Variants in CGNL1 observed in about 807,000 individuals in gnomAD.
CGNL1 encodes the protein cingulin like 1.
CGNL1 carries 132 observed loss-of-function variants against 141.2 expected under a neutral mutation model. That is an observed-to-expected ratio of 0.93 (90% CI 0.81 to 1.08). CGNL1 has a LOEUF of 1.08. Among genes scored for constraint, CGNL1 ranks in the 50% least tolerant of loss-of-function variants. CGNL1 has a pLI of 0.00. For synonymous variants in CGNL1, 690 were observed against 622.1 expected, an observed-to-expected ratio of 1.11 and a Z score of -1.63; for missense variants, 1,870 against 1,588.6, an observed-to-expected ratio of 1.18 and a Z score of -3.01.
At position 57,547,797 on chromosome 15, in the gene CGNL1, C is replaced by T. The variant is rs1249912809; in HGVS notation, c.*307C>T. ...ACAGCCACTATTTGCATTGCTGTCC[C>T]TGCCCCCTCATCACTCCCCCTGCCA... On this transcript the variant is annotated 3_prime_UTR_variant, in exon 19 of 19. Transcript: ENST00000281282. 2 of 315,422 alleles carry T rather than the reference C, an allele frequency of 6.3e-6. No homozygotes were observed. The highest frequency in any genetic ancestry group is 1.2e-5 in the Non-Finnish European group (2 of 171,878). The allele number at this position is 315,422 out of a possible 1,614,324, so 19.5% of individuals were successfully genotyped here.
At chr15:57,522,828 C>T (rs2031356009) in intron 10 of CGNL1, among the ~76,000 whole-genome samples, 1 of 152,182 alleles carries the variant, frequency 6.6e-6, no homozygotes, top group South Asian at 2.1e-4. Context: ...ATTCAATCAA[C>T]AACCACCTAC....
chr15:57,526,510 G>A (rs957598754), intron 12 of CGNL1, among the ~76,000 whole-genome samples: 2 of 151,996 alleles, frequency 1.3e-5, no homozygotes, highest in African/African-American at 4.8e-5. Flanking sequence ...ACAGGAGTCC[G>A]TTCTAAGTGC....
chr15:57,544,721 A>G, intron 16 of CGNL1, 124 bp downstream of exon 16: 1 of 1,132,478 alleles, frequency 8.8e-7, no homozygotes, highest in South Asian at 1.6e-5. Flanking sequence ...CAGAGCAACT[A>G]CACCCTTACT....
rs774169633 is a variant in CGNL1 at position 57,438,434 on chromosome 15, T to C, written c.435T>C (p.Phe145=). 6.2e-7 allele frequency: 1 copy of C among 1,614,068 alleles called. No homozygotes were observed. Among genetic ancestry groups the C allele is most frequent in the African/African-American group, 1.3e-5 (1 of 74,934 alleles). ...TGAAGCCATCTCACCTGCTGAACTT[T>C]CAGAGGCATCCAGAGCTTTTGCAAC... is the stretch of plus-strand genomic sequence containing the variant. ...GSVKPSHLLN[F]QRHPELLQPY... The change falls in exon 2 of 19, where the codon TTT becomes TTC. Residue 145 remains phenylalanine (F), a synonymous_variant. Transcript: ENST00000281282.
Position 57,544,459 on chromosome 15 carries a change from C to T in CGNL1, c.3376-14C>T. ...AGACACATAGCCCCTCACAGTCTCC[C>T]TGTGTTGTTCCAGAACAAGGACTTA... On this transcript the variant is annotated splice_polypyrimidine_tract_variant and intron_variant, in intron 15 of 18. Transcript: ENST00000281282. 1 of 1,613,992 alleles carries T rather than the reference C, an allele frequency of 6.2e-7. No homozygotes were observed. Among genetic ancestry groups the T allele is most frequent in the Non-Finnish European group, 8.5e-7 (1 of 1,179,928 alleles).
At position 57,438,535 on chromosome 15, in the gene CGNL1, CAGA is replaced by C; in HGVS notation, c.542_544del (p.Glu181del). On this transcript the variant is annotated inframe_deletion, in exon 2 of 19. Coordinates refer to ENST00000281282, the MANE Select transcript of CGNL1 (RefSeq NM_032866.5). ...GAGAGTAATTGGCTAAAAACGTTGACAGAAGAAGGCATCAACAATAAGAAGCCT... is the reference window on the plus strand; with the variant it reads ...GAGAGTAATTGGCTAAAAACGTTGACAGAAGGCATCAACAATAAGAAGCCT... The C allele has an allele frequency of 6.2e-7, 1 of 1,613,946 alleles. No homozygotes were observed. The highest frequency in any genetic ancestry group is 8.5e-7 in the Non-Finnish European group (1 of 1,180,040).
chr15:57,438,533 G>T lies in CGNL1; in HGVS notation c.534G>T (p.Leu178Phe). ...QPSESNWLKTLTEEGINNKKP... is the reference protein window; with the variant it reads ...QPSESNWLKTFTEEGINNKKP... ...CTGAGAGTAATTGGCTAAAAACGTT[G>T]ACAGAAGAAGGCATCAACAATAAGA... Residue 178 changes from leucine (L) to phenylalanine (F), a missense_variant, in exon 2 of 19, where the codon TTG becomes TTT. Transcript: ENST00000281282. 1 of 1,613,950 alleles carries T rather than the reference G, an allele frequency of 6.2e-7. No homozygotes were observed. Among genetic ancestry groups the T allele is most frequent in the Non-Finnish European group, 8.5e-7 (1 of 1,180,022 alleles).
chr15:57,464,235 G>A (rs2063481671), intron 8 of CGNL1, among the ~76,000 whole-genome samples: 1 of 152,162 alleles, frequency 6.6e-6, no homozygotes, highest in Non-Finnish European at 1.5e-5. Context: ...GGAGCGGTCA[G>A]TGGCTTCTCT....
chr15:57,506,061 C>T (rs1467541329), intron 8 of CGNL1, among the ~76,000 whole-genome samples: 2 of 152,180 alleles, frequency 1.3e-5, no homozygotes. Flanking sequence ...CTTCTTTCTT[C>T]AAAAATCCTG....
intron 1 of CGNL1, among the ~76,000 whole-genome samples, chr15:57,389,516 G>A (rs543550886): frequency 5.3e-5 from 8 of 152,178 alleles, no homozygotes; most frequent in Non-Finnish European, 8.8e-5. Flanking sequence ...TCGCCCAATA[G>A]GATTTAGGAA....
Position 57,541,555 on chromosome 15 carries a change from C to T in CGNL1, c.3292-2141C>T, listed in dbSNP as rs573637742. ...TGGGAGCGGGCCTGAGTTGGGTGGA[C>T]GTGCCCTGCCTGCTGGTCCTGGCCA... On this transcript the variant is annotated intron_variant, in intron 14 of 18. Transcript: ENST00000281282. Among the ~76,000 whole-genome samples the T allele has an allele frequency of 9.2e-5, 14 of 152,362 alleles. 1 individual carries two copies. In the East Asian group the frequency reaches 2.5e-3, roughly 27 times the overall value.
intron 8 of CGNL1, among the ~76,000 whole-genome samples, chr15:57,501,469 G>A (rs1462310301): frequency 6.6e-6 from 1 of 152,296 alleles, no homozygotes; most frequent in Non-Finnish European, 1.5e-5. Flanking sequence ...GTCCTCAGGG[G>A]GTGCAACCAG....
At chr15:57,410,273 T>A (rs553963527) in intron 1 of CGNL1, among the ~76,000 whole-genome samples, 135 of 152,354 alleles carry the variant, frequency 8.9e-4, no homozygotes, top group African/African-American at 3.2e-3. Context: ...TCATTTTACA[T>A]GTCGTTAAGT....
chr15:57,412,695 C>T (rs902637704), intron 1 of CGNL1, among the ~76,000 whole-genome samples: 3 of 152,160 alleles, frequency 2.0e-5, no homozygotes, highest in Non-Finnish European at 4.4e-5. Context: ...GTGTCCCTGG[C>T]ACATCTACTC....
At chr15:57,536,623 G>A (rs989308575) in intron 14 of CGNL1, among the ~76,000 whole-genome samples, 27 of 152,186 alleles carry the variant, frequency 1.8e-4, no homozygotes, top group African/African-American at 4.6e-4. Flanking sequence ...AGTTGCTGGC[G>A]TTTGGTCTGT....
Position 57,434,281 on chromosome 15 carries a change from A to T in CGNL1, c.-15-3704A>T, listed in dbSNP as rs192397652. Among the ~76,000 whole-genome samples, 46 of 152,366 alleles carry T rather than the reference A, an allele frequency of 3.0e-4. No homozygotes were observed. The East Asian group carries it at 7.9e-3, about 26-fold the overall frequency. On this transcript the variant is annotated intron_variant, in intron 1 of 18. Coordinates refer to ENST00000281282, the MANE Select transcript of CGNL1 (RefSeq NM_032866.5). ...TATTACAAATTAAATACTGGAATTT[A>T]AAAAATGTTGAAGTTGTATCTCTGA... is the stretch of plus-strand genomic sequence containing the variant.
At chr15:57,494,616 C>A (rs188768035) in intron 8 of CGNL1, among the ~76,000 whole-genome samples, 1 of 152,184 alleles carries the variant, frequency 6.6e-6, no homozygotes, top group Non-Finnish European at 1.5e-5. Flanking sequence ...ACTTTCTGTT[C>A]TTTCTGTTTG....
chr15:57,396,700 T>C (rs2062606828), intron 1 of CGNL1, among the ~76,000 whole-genome samples: 1 of 152,190 alleles, frequency 6.6e-6, no homozygotes, highest in Non-Finnish European at 1.5e-5. Context: ...TTTTCTACAC[T>C]CCCACCTAGC....
At position 57,434,027 on chromosome 15, in the gene CGNL1, G is replaced by A. The variant is rs111501103; in HGVS notation, c.-15-3958G>A. On this transcript the variant is annotated intron_variant, in intron 1 of 18. Coordinates refer to ENST00000281282, the MANE Select transcript of CGNL1 (RefSeq NM_032866.5). ...GGTCCTTCATTCTTAAATAGGATCAGGCAGTCAGGGTTCATCAGGTGTATT... is the reference window on the plus strand; with the variant it reads ...GGTCCTTCATTCTTAAATAGGATCAAGCAGTCAGGGTTCATCAGGTGTATT... 5.9e-3 allele frequency among the ~76,000 whole-genome samples: 892 copies of A among 152,316 alleles called. 9 individuals are homozygous for A. Among genetic ancestry groups the A allele is most frequent in the African/African-American group, 0.02 (846 of 41,556 alleles).
Sources: allele counts gnomAD v4.1 joint callset (sites outside exome capture counted in the v4.1 genomes callset), GRCh38; gene constraint gnomAD v4.1.1; transcripts MANE v1.5; gene names NCBI Gene and HGNC (gene_info 2026-07-23, HGNC 2026-07-21).